YWHAZ: variants seen among roughly 807,000 people sequenced by gnomAD.
YWHAZ encodes the protein tyrosine 3-monooxygenase/tryptophan 5-monooxygenase activation protein zeta.
For synonymous variants in YWHAZ, 87 were observed against 103.6 expected, an observed-to-expected ratio of 0.84 and a Z score of 0.97; for missense variants, 79 against 284.8, an observed-to-expected ratio of 0.28 and a Z score of 5.20.
chr8:100,949,150 A>G (rs1436448397), intron 1 of YWHAZ, among the ~76,000 whole-genome samples: 3 of 152,230 alleles, frequency 2.0e-5, no homozygotes, highest in East Asian at 3.8e-4. Flanking sequence ...AAATTTGTTC[A>G]GAAGACCCAA....
At chr8:100,920,797 G>C (rs769574738) in intron 5 of YWHAZ, 45 bp from the exon 6 acceptor site, 12 of 841,370 alleles carry the variant, frequency 1.4e-5, no homozygotes, top group South Asian at 5.6e-5. Context: ...CAGTGGGATG[G>C]GGGGGGGGGG....
intron 2 of YWHAZ, among the ~76,000 whole-genome samples, chr8:100,934,408 T>C (rs1354952435): frequency 1.4e-5 from 2 of 148,018 alleles, no homozygotes; most frequent in Non-Finnish European, 3.0e-5. Flanking sequence ...ACATTAAGAG[T>C]GAGGAGGTAC....
At chr8:100,938,953 A>G (rs752213230) in intron 2 of YWHAZ, among the ~76,000 whole-genome samples, 5 of 152,256 alleles carry the variant, frequency 3.3e-5, no homozygotes, top group Non-Finnish European at 7.3e-5. Flanking sequence ...TAAGCTGTGA[A>G]CATATGTTCT....
rs537083583 is a variant in YWHAZ, at chr8:100,928,948, T to G, written c.295-3909A>C. On this transcript the variant is annotated intron_variant, in intron 2 of 5. Coordinates refer to ENST00000395958, the MANE Select transcript of YWHAZ (RefSeq NM_145690.3). The stretch of plus-strand genomic sequence containing the variant: ...TTTCTGTTCAGTATGAGAAAACTTA[T>G]GAGTGGTCCAGTACTGGAACCTGCT... Among the ~76,000 whole-genome samples, 5 of 152,236 alleles carry G rather than the reference T, an allele frequency of 3.3e-5. No homozygotes were observed. In the South Asian group the frequency reaches 1.0e-3, roughly 32 times the overall value.
chr8:100,937,936 G>C (rs907428043), intron 2 of YWHAZ, among the ~76,000 whole-genome samples: 1 of 152,206 alleles, frequency 6.6e-6, no homozygotes, highest in Non-Finnish European at 1.5e-5. Context: ...TTCGAGACCA[G>C]CCTGACCAAC....
chr8:100,936,146 C>T (rs1814131899), intron 2 of YWHAZ, among the ~76,000 whole-genome samples: 1 of 152,098 alleles, frequency 6.6e-6, no homozygotes, highest in South Asian at 2.1e-4. Context: ...ACACAAGAAG[C>T]CAACTAATGA....
intron 2 of YWHAZ, among the ~76,000 whole-genome samples, chr8:100,937,285 C>CTT (rs574435172): frequency 1.1e-4 from 15 of 142,698 alleles, no homozygotes; most frequent in African/African-American, 3.3e-4. Context: ...CCTTTATATG[C>CTT]TTTTTTTTTT....
At chr8:100,929,874 C>G (rs1813642019) in intron 2 of YWHAZ, among the ~76,000 whole-genome samples, 1 of 152,052 alleles carries the variant, frequency 6.6e-6, no homozygotes, top group African/African-American at 2.4e-5. Context: ...CAGAAAAAAA[C>G]ATGGAGGTGC....
At position 100,944,037 on chromosome 8, in the gene YWHAZ, T is replaced by G. The variant is rs563619082; in HGVS notation, c.294+4559A>C. Among the ~76,000 whole-genome samples the G allele has an allele frequency of 2.6e-5, 4 of 152,154 alleles. No homozygotes were observed. In the East Asian group the frequency reaches 5.8e-4, roughly 22 times the overall value. Reference sequence around the variant, plus strand: ...AGAAAAAAAAGACACTGTCCAATTTTTTCCTTCCTGAGACCACAGAACTGG... The same window carrying G: ...AGAAAAAAAAGACACTGTCCAATTTGTTCCTTCCTGAGACCACAGAACTGG... On this transcript the variant is annotated intron_variant, in intron 2 of 5. Coordinates refer to ENST00000395958, the MANE Select transcript of YWHAZ (RefSeq NM_145690.3).
chr8:100,950,959 A>C (rs1227197096), intron 1 of YWHAZ: 1 of 183,936 alleles, frequency 5.4e-6, no homozygotes, highest in Non-Finnish European at 1.0e-5. Flanking sequence ...GGGACCCTCC[A>C]GTTCTAGTCC....
chr8:100,922,212 T>C lies in YWHAZ; in HGVS notation c.679-1460A>G, dbSNP rs1813069537. On this transcript the variant is annotated intron_variant, in intron 5 of 5. Transcript: ENST00000395958. This position sits in a 1 kb window ranked among gnomAD's most constrained non-coding sequence, Gnocchi z 4.1. ...AAATATTTCTTTTTCTAGAGTAATG[T>C]GTTGACAGTCTTGGTCAACCAAATT... Among the ~76,000 whole-genome samples, 1 of 152,230 alleles carries C rather than the reference T, an allele frequency of 6.6e-6. No individual in the cohort carries two copies. Among genetic ancestry groups the C allele is most frequent in the Non-Finnish European group, 1.5e-5 (1 of 68,038 alleles).
chr8:100,944,961 G>A (rs1810155315), intron 2 of YWHAZ, among the ~76,000 whole-genome samples: 1 of 152,174 alleles, frequency 6.6e-6, no homozygotes, highest in Admixed American at 6.5e-5. Flanking sequence ...AGGCTTCCTA[G>A]ACTGTATTTC....
In YWHAZ at chr8:100,948,149, A is replaced by AT. The variant is rs1563691038; in HGVS notation, c.294+446dup. On this transcript the variant is annotated intron_variant, in intron 2 of 5. Transcript: ENST00000395958. The surrounding 1 kb of genome is among the most constrained non-coding windows in gnomAD (Gnocchi z 4.2). Reference sequence around the variant, plus strand: ...GTTTTCTGCATGGTTGACTCATTACATTAACATTATAGCGGCTAATCCTGA... The same window carrying AT: ...GTTTTCTGCATGGTTGACTCATTACATTTAACATTATAGCGGCTAATCCTGA... 6.5e-7 allele frequency: 1 copy of AT among 1,533,880 alleles called. No individual in the cohort carries two copies. Among genetic ancestry groups the AT allele is most frequent in the East Asian group, 2.4e-5 (1 of 40,830 alleles).
In YWHAZ at chr8:100,948,527, T is replaced by TA; in HGVS notation, c.294+68dup. The TA allele has an allele frequency of 6.7e-7, 1 of 1,493,196 alleles. No individual in the cohort carries two copies. The allele number at this position is 1,493,196 out of a possible 1,614,324, so 92.5% of individuals were successfully genotyped here. A position where few individuals can be genotyped will look rare whatever the true frequency, so the allele number is the denominator to read the frequency against. ...GGAAAAGAAAAACCAAACAAAAAGT[T>TA]AAGAGTAATGTAACTGATACTCATA... On this transcript the variant is annotated intron_variant, in intron 2 of 5. Transcript: ENST00000395958. The surrounding 1 kb of genome is among the most constrained non-coding windows in gnomAD (Gnocchi z 4.2).
At chr8:100,951,857 G>A (rs1046577390) in intron 1 of YWHAZ, 72 bp downstream of exon 1, 2 of 987,788 alleles carry the variant, frequency 2.0e-6, no homozygotes, top group East Asian at 1.1e-4. Flanking sequence ...GACGGAGCGA[G>A]GACGGCTCCC....
chr8:100,943,466 C>A (rs1034054395), intron 2 of YWHAZ, among the ~76,000 whole-genome samples: 4 of 152,130 alleles, frequency 2.6e-5, no homozygotes, highest in Admixed American at 6.5e-5. Context: ...ATTTTGGAAT[C>A]AAAAATTTGA....
intron 2 of YWHAZ, among the ~76,000 whole-genome samples, chr8:100,941,824 AAC>A (rs58029362): frequency 0.43 from 63,621 of 148,622 alleles, 13,990 homozygotes; most frequent in South Asian, 0.6. Flanking sequence ...AAAAAAAAAA[AAC>A]ATCTCTAACT....
rs922380114 is a variant in YWHAZ, at chr8:100,918,782, C to G, written c.*1911G>C. ...AGTGTACTAGGCACAATAGAACATACAGAAAACATTGTCCCTGCTCTTGAG... is the reference window on the plus strand; with the variant it reads ...AGTGTACTAGGCACAATAGAACATAGAGAAAACATTGTCCCTGCTCTTGAG... On this transcript the variant is annotated 3_prime_UTR_variant, in exon 6 of 6. Transcript: ENST00000395958. 1.3e-5 allele frequency: 2 copies of G among 152,636 alleles called. No individual in the cohort carries two copies. Among genetic ancestry groups the G allele is most frequent in the Non-Finnish European group, 2.9e-5 (2 of 68,022 alleles). 9.5% of individuals were successfully genotyped at this position (152,636 alleles called of 1,614,324 possible).
At chr8:100,946,134 A>G (rs773827322) in intron 2 of YWHAZ, among the ~76,000 whole-genome samples, 6 of 152,212 alleles carry the variant, frequency 3.9e-5, no homozygotes, top group Admixed American at 1.3e-4. Context: ...CTTAATAATC[A>G]TAACAAGAAG....
Sources: allele counts gnomAD v4.1 joint callset (sites outside exome capture counted in the v4.1 genomes callset), GRCh38; gene constraint gnomAD v4.1.1; non-coding constraint Gnocchi (gnomAD v3.1); transcripts MANE v1.5; gene names NCBI Gene and HGNC (gene_info 2026-07-23, HGNC 2026-07-21).